MSTO1: variants seen among roughly 807,000 people sequenced by gnomAD.
MSTO1 encodes the protein misato mitochondrial distribution and morphology regulator 1.
A neutral mutation model predicts 55.7 loss-of-function variants in MSTO1; 24 were observed. The ratio of observed to expected loss-of-function variants is 0.43; its 90% CI spans 0.31 to 0.61. MSTO1 has a LOEUF of 0.61. MSTO1 is among the 20% of genes least tolerant of loss of function. The probability of loss-of-function intolerance (pLI) is 0.09; values close to 1 mark genes in which losing one functional copy is unlikely to be tolerated. For missense variants in MSTO1, 363 were observed against 625.7 expected, an observed-to-expected ratio of 0.58 and a Z score of 4.48; for synonymous variants, 162 against 252.8, an observed-to-expected ratio of 0.64 and a Z score of 3.41.
the MSTO1 span, among the ~76,000 whole-genome samples, chr1:155,593,708 C>T: frequency 1.5e-4 from 23 of 152,300 alleles, no homozygotes; most frequent in Middle Eastern, 3.4e-3. Context: ...GTGGCTCACG[C>T]CCATAATCCC....
At chr1:155,586,138 A>G in the MSTO1 span, among the ~76,000 whole-genome samples, 2 of 150,336 alleles carry the variant, frequency 1.3e-5, no homozygotes, top group Admixed American at 1.3e-4. Context: ...CTCTGCTAAT[A>G]TGAGCATCTT....
chr1:155,563,589 C>T, the MSTO1 span: 1 of 456,466 alleles, frequency 2.2e-6, no homozygotes, highest in South Asian at 1.5e-5. Context: ...GACGCACTTA[C>T]TCATGGATGG....
chr1:155,602,815 C>T, the MSTO1 span, among the ~76,000 whole-genome samples: 5 of 151,962 alleles, frequency 3.3e-5, no homozygotes, highest in South Asian at 2.1e-4. Context: ...TCCAATCCCT[C>T]GCAAGCACAT....
the MSTO1 span, chr1:155,563,595 G>A: frequency 2.2e-6 from 1 of 456,454 alleles, no homozygotes; most frequent in Non-Finnish European, 4.4e-6. Flanking sequence ...CTTACTCATG[G>A]ATGGTACTTC....
At chr1:155,563,433 C>CG in the MSTO1 span, 29 of 456,546 alleles carry the variant, frequency 6.4e-5, 1 homozygote, top group Middle Eastern at 6.5e-4. Flanking sequence ...GGCGCGCCTC[C>CG]GGGGGGATTC....
the MSTO1 span, among the ~76,000 whole-genome samples, chr1:155,594,936 T>C: frequency 6.6e-6 from 1 of 151,950 alleles, no homozygotes; most frequent in African/African-American, 2.4e-5. Context: ...CAGGAGTTCG[T>C]GACCAGCCTG....
At chr1:155,595,497 T>C in the MSTO1 span, among the ~76,000 whole-genome samples, 25 of 150,736 alleles carry the variant, frequency 1.7e-4, no homozygotes, top group African/African-American at 4.9e-4. Context: ...TTTTCTTTTT[T>C]TTTTTTTTTG....
In MSTO1 at chr1:155,612,404, T is replaced by C; in HGVS notation, c.814-14T>C. 1 of 1,606,692 alleles carries C rather than the reference T, an allele frequency of 6.2e-7. No homozygotes were observed. Among genetic ancestry groups the C allele is most frequent in the Non-Finnish European group, 8.5e-7 (1 of 1,175,980 alleles). ...GGGAGAGCTGCTTAATACAAACTACTCTTTCTTCACCAGGAGGCCCAGAGA... is the reference window on the plus strand; with the variant it reads ...GGGAGAGCTGCTTAATACAAACTACCCTTTCTTCACCAGGAGGCCCAGAGA... On this transcript the variant is annotated splice_polypyrimidine_tract_variant and intron_variant, in intron 8 of 13. Coordinates refer to ENST00000245564, the MANE Select transcript of MSTO1 (RefSeq NM_018116.4).
the MSTO1 span, among the ~76,000 whole-genome samples, chr1:155,595,390 G>A: frequency 6.6e-6 from 1 of 151,916 alleles, no homozygotes; most frequent in South Asian, 2.1e-4. Context: ...GCGCTAGCCA[G>A]GATTGTCTCG....
chr1:155,612,343 G>A (rs1674336692), intron 8 of MSTO1, 27 bp downstream of exon 8: 1 of 1,578,058 alleles, frequency 6.3e-7, no homozygotes, highest in East Asian at 2.2e-5. Flanking sequence ...GAAGTAAACA[G>A]TCACACAGTG....
the MSTO1 span, among the ~76,000 whole-genome samples, chr1:155,582,052 TTCAA>T: frequency 6.6e-6 from 1 of 150,574 alleles, no homozygotes; most frequent in Admixed American, 6.7e-5. Flanking sequence ...ACCTCCTGAG[TTCAA>T]TCATTTTTTG....
chr1:155,598,737 C>A, the MSTO1 span: 1,962 of 589,286 alleles, frequency 3.3e-3, 31 homozygotes, highest in African/African-American at 0.031. Flanking sequence ...GCAAGAACAA[C>A]AAAAAAAACA....
the MSTO1 span, chr1:155,591,281 G>C: frequency 6.4e-7 from 1 of 1,558,436 alleles, no homozygotes. Flanking sequence ...TGAAGGAGCT[G>C]CACTGCGAAG....
chr1:155,568,052 A>ATTTT, the MSTO1 span, among the ~76,000 whole-genome samples: 5 of 121,676 alleles, frequency 4.1e-5, no homozygotes, highest in Non-Finnish European at 9.5e-5. Flanking sequence ...AAAAAAAAAA[A>ATTTT]TTATTTATTT....
the MSTO1 span, among the ~76,000 whole-genome samples, chr1:155,603,016 C>T: frequency 6.6e-6 from 1 of 152,036 alleles, no homozygotes; most frequent in Non-Finnish European, 1.5e-5. Context: ...TGGACATTTT[C>T]ATCAGAATCC....
At chr1:155,603,132 A>C in the MSTO1 span, among the ~76,000 whole-genome samples, 2 of 152,112 alleles carry the variant, frequency 1.3e-5, no homozygotes. Context: ...TGGGAGGCTG[A>C]GTTGGGCAGA....
chr1:155,572,004 T>C, the MSTO1 span, among the ~76,000 whole-genome samples: 2 of 149,520 alleles, frequency 1.3e-5, no homozygotes, highest in Admixed American at 1.3e-4. Context: ...ATTGCGCCAC[T>C]GCACTGCAGC....
chr1:155,613,954 G>A, intron 13 of MSTO1, 105 bp from the exon 14 acceptor site: 1 of 1,456,892 alleles, frequency 6.9e-7, no homozygotes, highest in South Asian at 1.4e-5. Context: ...AATTTGTTGA[G>A]TTTACAATCA....
At chr1:155,572,022 A>G in the MSTO1 span, among the ~76,000 whole-genome samples, 2 of 151,518 alleles carry the variant, frequency 1.3e-5, no homozygotes, top group Admixed American at 1.3e-4. Flanking sequence ...AGCCTGGGCG[A>G]CAGAGTGAGA....
Sources: allele counts gnomAD v4.1 joint callset (sites outside exome capture counted in the v4.1 genomes callset), GRCh38; gene constraint gnomAD v4.1.1; transcripts MANE v1.5; gene names NCBI Gene and HGNC (gene_info 2026-07-23, HGNC 2026-07-21).